The following PCLO variants were observed in gnomAD, a reference collection of about 807,000 sequenced individuals.
The protein encoded by PCLO is protein piccolo.
Under a neutral mutation model 427.5 loss-of-function variants are expected in PCLO, and 82 were observed. The observed-to-expected ratio is 0.19, with a 90% confidence interval of 0.16 to 0.23. The LOEUF (loss-of-function observed/expected upper bound fraction) is 0.23, where lower values mean the gene tolerates loss of function less well. Among genes scored for constraint, PCLO ranks in the 10% least tolerant of loss-of-function variants. The pLI is 1.00. For synonymous variants in PCLO, 2,357 were observed against 2,155.4 expected, an observed-to-expected ratio of 1.09 and a Z score of -2.59; for missense variants, 6,239 against 6,115.9, an observed-to-expected ratio of 1.02 and a Z score of -0.67.
At chr7:83,069,353 C>A (rs137909080) in intron 3 of PCLO, among the ~76,000 whole-genome samples, 247 of 152,140 alleles carry the variant, frequency 1.6e-3, no homozygotes, top group African/African-American at 5.7e-3. Flanking sequence ...CATAAGTGAA[C>A]CCATGGGTTC....
At chr7:82,770,391 G>C (rs536951579) in intron 22 of PCLO, among the ~76,000 whole-genome samples, 1 of 151,942 alleles carries the variant, frequency 6.6e-6, no homozygotes, top group African/African-American at 2.4e-5. Context: ...TCAATTATCT[G>C]TTTTCTTCCA....
chr7:83,076,657 T>C (rs1393666901), intron 3 of PCLO, among the ~76,000 whole-genome samples: 1 of 150,838 alleles, frequency 6.6e-6, no homozygotes, highest in African/African-American at 2.4e-5. Flanking sequence ...TTTTTTATTA[T>C]ACTTTAAGTT....
Position 83,037,889 on chromosome 7 carries a change from T to C in PCLO, c.3301-71402A>G, listed in dbSNP as rs1331563993. ...ATTGAAGGATAAAGTGGATATTAAC[T>C]GCTGCCATATAATGTTGGTTCTCTT... On this transcript the variant is annotated intron_variant, in intron 3 of 24. Transcript: ENST00000333891. 2.1e-5 allele frequency among the ~76,000 whole-genome samples: 3 copies of C among 144,698 alleles called. No homozygotes were observed. The East Asian group carries it at 6.1e-4, about 30-fold the overall frequency. 94.9% of individuals were successfully genotyped at this position (144,698 alleles called of 152,430 possible).
At chr7:83,029,333 T>A (rs1788596065) in intron 3 of PCLO, among the ~76,000 whole-genome samples, 1 of 151,410 alleles carries the variant, frequency 6.6e-6, no homozygotes, top group South Asian at 2.1e-4. Context: ...AAGAAGACAT[T>A]TATGCAGCAA....
rs1328050941 is a variant in PCLO, at chr7:82,949,772, C to T, written c.10816G>A (p.Ala3606Thr). Residue 3606 changes from alanine (A) to threonine (T), a missense_variant, in exon 6 of 25, where the codon GCA becomes ACA. Physicochemically the swap from Ala to Thr is moderately conservative, Grantham distance 58. Transcript: ENST00000333891. ...GGAGCCAGCTGTACTGTGGAATCTG[C>T]CCGGAGGTGAGATGAATAACCAATC... The part of the protein sequence containing the change: ...LEIGYSSHLR[A>T]DSTVQLAPSP... 1.9e-6 allele frequency: 3 copies of T among 1,613,702 alleles called. No individual in the cohort carries two copies. Among genetic ancestry groups the T allele is most frequent in the South Asian group, 2.2e-5 (2 of 91,072 alleles).
intron 3 of PCLO, among the ~76,000 whole-genome samples, chr7:82,991,178 T>C (rs1180505498): frequency 6.6e-6 from 1 of 152,186 alleles, no homozygotes; most frequent in Admixed American, 6.5e-5. Context: ...ACTGTGTATC[T>C]CTGCATCTTT....
chr7:82,815,160 T>A (rs934526488), intron 20 of PCLO, among the ~76,000 whole-genome samples: 1 of 152,008 alleles, frequency 6.6e-6, no homozygotes, highest in African/African-American at 2.4e-5. Flanking sequence ...TAAAAATATA[T>A]TTTATCATAA....
intron 22 of PCLO, among the ~76,000 whole-genome samples, chr7:82,786,676 G>A (rs1790990584): frequency 6.6e-6 from 1 of 152,060 alleles, no homozygotes; most frequent in Non-Finnish European, 1.5e-5. Context: ...GTGCCATGGT[G>A]GTTTGCTGCA....
At chr7:82,799,457 T>C (rs1221258241) in intron 22 of PCLO, among the ~76,000 whole-genome samples, 1 of 152,138 alleles carries the variant, frequency 6.6e-6, no homozygotes, top group Non-Finnish European at 1.5e-5. Flanking sequence ...AAGAGCATAG[T>C]AGGAAAAGGA....
At chr7:82,869,969 T>A (rs1248718490) in intron 10 of PCLO, among the ~76,000 whole-genome samples, 8 of 152,018 alleles carry the variant, frequency 5.3e-5, no homozygotes, top group Non-Finnish European at 8.8e-5. Context: ...ATATTTCATG[T>A]TCATGGATTG....
At chr7:82,812,921 A>C (rs1791602337) in intron 20 of PCLO, among the ~76,000 whole-genome samples, 1 of 151,578 alleles carries the variant, frequency 6.6e-6, no homozygotes, top group Non-Finnish European at 1.5e-5. Context: ...AGAAAAAAAA[A>C]ACTCAAGCAG....
rs752151120 is a variant in PCLO, at chr7:82,954,109, C to T, written c.6844G>A (p.Glu2282Lys). 2 of 1,613,888 alleles carry T rather than the reference C, an allele frequency of 1.2e-6. No homozygotes were observed. The highest frequency in any genetic ancestry group is 1.7e-6 in the Non-Finnish European group (2 of 1,179,836). Residue 2282 changes from glutamate (E) to lysine (K), a missense_variant, in exon 5 of 25, where the codon GAA becomes AAA. Physicochemically the swap from Glu to Lys is moderately conservative, Grantham distance 56. This residue lies in a region of PCLO where 4,677 missense variants were observed against 4,468.4 expected (regional missense o/e 1.05). Coordinates refer to ENST00000333891, the MANE Select transcript of PCLO (RefSeq NM_033026.6). ...SIIESVVPKP[E>K]GPVADTVSTD... Reference sequence around the variant, plus strand: ...GAAACAGTGTCAGCAACTGGCCCTTCAGGTTTAGGTACTACAGATTCTATG... The same window carrying T: ...GAAACAGTGTCAGCAACTGGCCCTTTAGGTTTAGGTACTACAGATTCTATG...
At chr7:83,157,299 A>C (rs1381692991) in intron 1 of PCLO, among the ~76,000 whole-genome samples, 1 of 152,162 alleles carries the variant, frequency 6.6e-6, no homozygotes, top group Admixed American at 6.6e-5. Context: ...TTAAAAAATA[A>C]CTGATTATTA....
At chr7:83,143,602 A>C (rs1216253827) in intron 2 of PCLO, among the ~76,000 whole-genome samples, 1 of 151,566 alleles carries the variant, frequency 6.6e-6, no homozygotes, top group Non-Finnish European at 1.5e-5. Context: ...AATAGGATCA[A>C]GTGATAAAAG....
intron 22 of PCLO, among the ~76,000 whole-genome samples, chr7:82,768,999 A>G (rs1790590405): frequency 6.6e-6 from 1 of 152,128 alleles, no homozygotes. Flanking sequence ...GGGTATTTCA[A>G]GTAACTTGCC....
chr7:83,094,210 C>CTTTTTTTTTTTTTTTT lies in PCLO; in HGVS notation c.3300+40024_3300+40039dup, dbSNP rs767490139. ...AACCTTTTGGGACTGATTTTTTTTT[C>CTTTTTTTTTTTTTTTT]TTTTTTTTTTTTTTTTTGAGACAGA... On this transcript the variant is annotated intron_variant, in intron 3 of 24. Transcript: ENST00000333891. Among the ~76,000 whole-genome samples the CTTTTTTTTTTTTTTTT allele has an allele frequency of 2.4e-5, 3 of 126,020 alleles. 1 individual carries two copies. Among genetic ancestry groups the CTTTTTTTTTTTTTTTT allele is most frequent in the African/African-American group, 3.1e-5 (1 of 32,586 alleles). 82.7% of individuals were successfully genotyped at this position (126,020 alleles called of 152,430 possible). A position where few individuals can be genotyped will look rare whatever the true frequency, so the allele number is the denominator to read the frequency against.
At chr7:82,951,805 GA>G (rs1562877738) in intron 5 of PCLO, 50 bp downstream of exon 5, 4 of 1,545,220 alleles carry the variant, frequency 2.6e-6, no homozygotes, top group Non-Finnish European at 1.7e-6. Flanking sequence ...ATGAGATGAG[GA>G]ACACCATAAT....
chr7:82,848,907 T>C (rs1420843246), intron 10 of PCLO: 3 of 419,706 alleles, frequency 7.1e-6, no homozygotes, highest in Admixed American at 5.1e-5. Context: ...TTAGGTTTAT[T>C]TCAACAATCC....
intron 3 of PCLO, among the ~76,000 whole-genome samples, chr7:82,986,092 T>C (rs964347127): frequency 2.0e-5 from 3 of 151,952 alleles, no homozygotes; most frequent in Non-Finnish European, 2.9e-5. Flanking sequence ...TTTCTTATAG[T>C]TACTTAGAAA....
Sources: gnomAD v4.1 joint callset for allele counts (sites outside exome capture counted in the v4.1 genomes callset) on GRCh38, gnomAD v4.1.1 for gene constraint, gnomAD v4.1.1 regional missense constraint, MANE v1.5 for transcripts, NCBI Gene and HGNC (gene_info 2026-07-23, HGNC 2026-07-21) for gene names.